Variants in CCDC60 observed in about 807,000 individuals in gnomAD.
CCDC60 encodes coiled-coil domain-containing protein 60.
In CCDC60, 54 loss-of-function variants were observed where a neutral mutation model predicts 63.5. The ratio of observed to expected loss-of-function variants is 0.85; its 90% confidence interval spans 0.68 to 1.07. The LOEUF (loss-of-function observed/expected upper bound fraction) is 1.07. Ranked by LOEUF, CCDC60 falls within the 50% of genes least tolerant of loss-of-function variation. The pLI, the probability that CCDC60 is intolerant of heterozygous loss-of-function variation, is 0.00. For synonymous variants in CCDC60, 206 were observed against 238.8 expected (o/e 0.86, Z 1.27); for missense variants, 651 against 684.3 (o/e 0.95, Z 0.54).
In CCDC60 at chr12:119,520,691, A is replaced by G. The variant is rs186948225; in HGVS notation, c.1040+499A>G. ...CAAGCAGCTGGGATTACAGGCATGC[A>G]CCACCATGCCCTGCTAATTTTTGTA... On this transcript the variant is annotated intron_variant, in intron 9 of 13. Coordinates refer to ENST00000327554, the MANE Select transcript of CCDC60 (RefSeq NM_178499.5). Among the ~76,000 whole-genome samples, 11 of 152,014 alleles carry G rather than the reference A, an allele frequency of 7.2e-5. No individual in the cohort carries two copies. The East Asian group carries it at 1.7e-3, about 24-fold the overall frequency.
At chr12:119,467,725 A>G (rs1950977855) in intron 2 of CCDC60, among the ~76,000 whole-genome samples, 1 of 152,264 alleles carries the variant, frequency 6.6e-6, no homozygotes, top group Admixed American at 6.5e-5. Flanking sequence ...TGGCATGACA[A>G]TGAAAAGCAG....
intron 2 of CCDC60, among the ~76,000 whole-genome samples, chr12:119,446,606 G>C (rs747698967): frequency 6.6e-6 from 1 of 152,124 alleles, no homozygotes; most frequent in Non-Finnish European, 1.5e-5. Flanking sequence ...AAAAGGGAGA[G>C]GGAGAGGGAG....
At chr12:119,336,541 T>C (rs1955473669) in intron 1 of CCDC60, among the ~76,000 whole-genome samples, 2 of 152,254 alleles carry the variant, frequency 1.3e-5, no homozygotes. Context: ...GAAACAGGCA[T>C]ATCCCCTCTC....
intron 1 of CCDC60, among the ~76,000 whole-genome samples, chr12:119,378,125 T>C (rs1955972827): frequency 6.6e-6 from 1 of 152,190 alleles, no homozygotes; most frequent in Non-Finnish European, 1.5e-5. Flanking sequence ...GTTTGCATAG[T>C]ATGCAAAGAA....
chr12:119,432,321 T>C lies in CCDC60; in HGVS notation c.170+3559T>C, dbSNP rs79807248. On this transcript the variant is annotated intron_variant, in intron 2 of 13. Coordinates refer to ENST00000327554, the MANE Select transcript of CCDC60 (RefSeq NM_178499.5). ...TGAGCCTCCCAAAAGGGAATTGCAC[T>C]CTGTTCCACAGCTTTGCCCAGAGAT... 5.8e-4 allele frequency among the ~76,000 whole-genome samples: 89 copies of C among 152,300 alleles called. 3 individuals carry two copies. In the East Asian group the frequency reaches 0.013, roughly 22 times the overall value.
At chr12:119,384,807 C>T (rs1956043395) in intron 1 of CCDC60, among the ~76,000 whole-genome samples, 1 of 152,234 alleles carries the variant, frequency 6.6e-6, no homozygotes, top group Non-Finnish European at 1.5e-5. Context: ...TATTTCTGGG[C>T]ATCACCTGTC....
intron 5 of CCDC60, among the ~76,000 whole-genome samples, chr12:119,490,142 C>T (rs1371090437): frequency 1.3e-5 from 2 of 152,134 alleles, no homozygotes; most frequent in Non-Finnish European, 2.9e-5. Flanking sequence ...ACATTTATTA[C>T]CCATCCCCTA....
intron 1 of CCDC60, among the ~76,000 whole-genome samples, chr12:119,355,206 C>T (rs1955704003): frequency 6.6e-6 from 1 of 152,134 alleles, no homozygotes; most frequent in African/African-American, 2.4e-5. Context: ...GAGGTGGGCA[C>T]AGTACTAATA....
Position 119,335,269 on chromosome 12 carries a change from A to G in CCDC60, c.90+3A>G. 6.3e-7 allele frequency: 1 copy of G among 1,592,132 alleles called. No homozygotes were observed. Among genetic ancestry groups the G allele is most frequent in the Non-Finnish European group, 8.5e-7 (1 of 1,170,106 alleles). On this transcript the variant is annotated splice_donor_region_variant and intron_variant, in intron 1 of 13. Coordinates refer to ENST00000327554, the MANE Select transcript of CCDC60 (RefSeq NM_178499.5). ...ATGCCTCGGAGAACCTAAGGCAGGT[A>G]AGTCTCCCCTCTGCTGAAACCAATC...
At chr12:119,524,362 C>A (rs1161647130) in intron 11 of CCDC60, 3 of 746,676 alleles carry the variant, frequency 4.0e-6, no homozygotes, top group Non-Finnish European at 4.9e-6. Context: ...CTTCCCTGTT[C>A]TGATAACCCA....
At chr12:119,465,941 G>T (rs1215819198) in intron 2 of CCDC60, among the ~76,000 whole-genome samples, 5 of 152,158 alleles carry the variant, frequency 3.3e-5, no homozygotes, top group Non-Finnish European at 7.4e-5. Context: ...AACGTGCAAA[G>T]CCAACATTTT....
chr12:119,468,270 C>T (rs942369168), intron 2 of CCDC60, among the ~76,000 whole-genome samples: 2 of 151,690 alleles, frequency 1.3e-5, no homozygotes, highest in Non-Finnish European at 1.5e-5. Context: ...CCAGCCTGGG[C>T]GATAGAGCAA....
At chr12:119,488,393 G>A (rs1222509843) in intron 4 of CCDC60, among the ~76,000 whole-genome samples, 2 of 152,304 alleles carry the variant, frequency 1.3e-5, no homozygotes, top group South Asian at 2.1e-4. Context: ...ATTTGCCTGA[G>A]TCAAGACTTC....
At chr12:119,374,667 TACTC>T (rs1187967857) in intron 1 of CCDC60, among the ~76,000 whole-genome samples, 1 of 148,942 alleles carries the variant, frequency 6.7e-6, no homozygotes, top group African/African-American at 2.4e-5. Context: ...AAAGAATGGC[TACTC>T]CATAGGCAGA....
intron 1 of CCDC60, among the ~76,000 whole-genome samples, chr12:119,352,199 G>T (rs1188631680): frequency 1.3e-5 from 2 of 152,188 alleles, no homozygotes; most frequent in South Asian, 2.1e-4. Flanking sequence ...ATTCACTATT[G>T]TGAGAACAGC....
intron 1 of CCDC60, among the ~76,000 whole-genome samples, chr12:119,419,990 C>T (rs1956782333): frequency 6.6e-6 from 1 of 151,058 alleles, no homozygotes; most frequent in East Asian, 2.0e-4. Flanking sequence ...CATTCTCCTG[C>T]CTCAGCCTCC....
chr12:119,356,691 T>C (rs1955722499), intron 1 of CCDC60, among the ~76,000 whole-genome samples: 1 of 152,214 alleles, frequency 6.6e-6, no homozygotes, highest in Non-Finnish European at 1.5e-5. Flanking sequence ...AAAGATAAAA[T>C]TCCTAGCAAT....
intron 1 of CCDC60, among the ~76,000 whole-genome samples, chr12:119,370,637 C>G (rs1448551231): frequency 6.6e-6 from 1 of 152,192 alleles, no homozygotes; most frequent in Non-Finnish European, 1.5e-5. Flanking sequence ...TCACCAACAA[C>G]CTAGGCCTTG....
chr12:119,370,818 A>G (rs1476176661), intron 1 of CCDC60, among the ~76,000 whole-genome samples: 1 of 152,178 alleles, frequency 6.6e-6, no homozygotes, highest in Non-Finnish European at 1.5e-5. Context: ...ACTTGAGCCC[A>G]GGAGTTTGAG....
Sources: gnomAD v4.1 joint callset for allele counts (sites outside exome capture counted in the v4.1 genomes callset) on GRCh38, gnomAD v4.1.1 for gene constraint, MANE v1.5 for transcripts, NCBI Gene and HGNC (gene_info 2026-07-23, HGNC 2026-07-21) for gene names.